C3orf80: variants seen among roughly 807,000 people sequenced by gnomAD.
C3orf80 encodes uncharacterized membrane protein C3orf80.
In C3orf80, 10 loss-of-function variants were observed where a neutral mutation model predicts 15.8. The observed-to-expected ratio is 0.63, with a 90% confidence interval of 0.39 to 1.07. C3orf80 has a LOEUF of 1.07. Among genes scored for constraint, C3orf80 ranks in the 50% least tolerant of loss-of-function variants. C3orf80 has a pLI of 0.01. For synonymous variants in C3orf80, 183 were observed against 192.0 expected, an observed-to-expected ratio of 0.95 and a Z score of 0.39; for missense variants, 364 against 379.3, an observed-to-expected ratio of 0.96 and a Z score of 0.34.
rs773690519 is a variant in C3orf80 at position 160,225,693 on chromosome 3, C to G, written c.58C>G (p.Leu20Val). The change falls in exon 1 of 1, where the codon CTG (leucine) becomes GTG (valine). Residue 20 changes from leucine to valine, a missense_variant. Leu to Val is a conservative substitution (Grantham distance 32, BLOSUM62 1). Transcript: ENST00000326474. This position sits in a 1 kb window ranked among gnomAD's most constrained non-coding sequence, Gnocchi z 5.6. ...GLSVAPAPPP[L>V]LPLLLLLALA... ...GTCGGTGGCTCCGGCGCCGCCGCCT[C>G]TGCTGCCGCTGCTGCTACTGCTGGC... 7.2e-7 allele frequency: 1 copy of G among 1,389,518 alleles called. No homozygotes were observed. Among genetic ancestry groups the G allele is most frequent in the South Asian group, 1.6e-5 (1 of 61,200 alleles). The allele number at this position is 1,389,518 out of a possible 1,614,324, so 86.1% of individuals were successfully genotyped here. A position where few individuals can be genotyped will look rare whatever the true frequency, so the allele number is the denominator to read the frequency against.
chr3:160,225,695 G>A lies in C3orf80; in HGVS notation c.60G>A (p.Leu20=). The part of the protein sequence containing the change: ...GLSVAPAPPP[L]LPLLLLLALA... ...CGGTGGCTCCGGCGCCGCCGCCTCT[G>A]CTGCCGCTGCTGCTACTGCTGGCGC... Residue 20 remains leucine, a synonymous_variant, in exon 1 of 1, where the codon CTG becomes CTA. Coordinates refer to ENST00000326474, the MANE Select transcript of C3orf80 (RefSeq NM_001168214.2). This position sits in a 1 kb window ranked among gnomAD's most constrained non-coding sequence, Gnocchi z 5.6. 2 of 1,390,164 alleles carry A rather than the reference G, an allele frequency of 1.4e-6. No individual in the cohort carries two copies. Among genetic ancestry groups the A allele is most frequent in the Non-Finnish European group, 1.9e-6 (2 of 1,077,952 alleles). The allele number at this position is 1,390,164 out of a possible 1,614,324, so 86.1% of individuals were successfully genotyped here. A position where few individuals can be genotyped will look rare whatever the true frequency, so the allele number is the denominator to read the frequency against.
rs1711499566 is a variant in C3orf80 at position 160,226,366 on chromosome 3, A to G, written c.731A>G (p.Tyr244Cys). The change falls in exon 1 of 1, where the codon TAC (tyrosine) becomes TGC (cysteine). Residue 244 changes from tyrosine (Y) to cysteine (C), a missense_variant. Physicochemically the swap from Tyr to Cys is radical, Grantham distance 194 (BLOSUM62 -2). Transcript: ENST00000326474. The surrounding 1 kb of genome is among the most constrained non-coding windows in gnomAD (Gnocchi z 5.2). ...AAEPDGGEGR[Y>C]PLI is the part of the protein sequence containing the mutation. ...GAGCCCGACGGCGGCGAGGGCCGCT[A>G]CCCTCTTATCTGAGCGCTCGGGGAT... The G allele has an allele frequency of 4.0e-6, 6 of 1,483,052 alleles. No homozygotes were observed. The highest frequency in any genetic ancestry group is 1.4e-5 in the African/African-American group (1 of 69,094). The allele number at this position is 1,483,052 out of a possible 1,614,324, so 91.9% of individuals were successfully genotyped here.
In C3orf80 at chr3:160,225,557, GGGGA is replaced by G; in HGVS notation, c.-75_-72del. On this transcript the variant is annotated 5_prime_UTR_variant, in exon 1 of 1. Transcript: ENST00000326474. This position sits in a 1 kb window ranked among gnomAD's most constrained non-coding sequence, Gnocchi z 5.6. ...GCGCGCGGGACCCGAGCGGAGCGCC[GGGGA>G]GGGGCCGACGGACGCGAGGGCGGAC... 1 of 1,221,710 alleles carries G rather than the reference GGGGA, an allele frequency of 8.2e-7. No individual in the cohort carries two copies. Among genetic ancestry groups the G allele is most frequent in the South Asian group, 3.3e-5 (1 of 30,310 alleles). The allele number at this position is 1,221,710 out of a possible 1,614,324, so 75.7% of individuals were successfully genotyped here.
chr3:160,227,514 A>G lies in C3orf80; in HGVS notation c.*1135A>G, dbSNP rs1410902018. On this transcript the variant is annotated 3_prime_UTR_variant, in exon 1 of 1. Coordinates refer to ENST00000326474, the MANE Select transcript of C3orf80 (RefSeq NM_001168214.2). Reference sequence around the variant, plus strand: ...TTATATGTAAAAATAATTGACATGTATATGCCATACCATGAAGCATATGAT... The same window carrying G: ...TTATATGTAAAAATAATTGACATGTGTATGCCATACCATGAAGCATATGAT... The G allele has an allele frequency of 6.6e-6, 1 of 152,220 alleles. No homozygotes were observed. Among genetic ancestry groups the G allele is most frequent in the East Asian group, 1.9e-4 (1 of 5,204 alleles). 9.4% of individuals were successfully genotyped at this position (152,220 alleles called of 1,614,324 possible). A position where few individuals can be genotyped will look rare whatever the true frequency, so the allele number is the denominator to read the frequency against.
rs760106217 is a variant in C3orf80 at position 160,225,798 on chromosome 3, G to C, written c.163G>C (p.Ala55Pro). 1.1e-5 allele frequency: 16 copies of C among 1,469,560 alleles called. No individual in the cohort carries two copies. Among genetic ancestry groups the C allele is most frequent in the Non-Finnish European group, 2.7e-6 (3 of 1,115,208 alleles). The allele number at this position is 1,469,560 out of a possible 1,614,324, so 91.0% of individuals were successfully genotyped here. Residue 55 changes from alanine to proline, a missense_variant, in exon 1 of 1, where the codon GCG (alanine) becomes CCG (proline). Coordinates refer to ENST00000326474, the MANE Select transcript of C3orf80 (RefSeq NM_001168214.2). This position sits in a 1 kb window ranked among gnomAD's most constrained non-coding sequence, Gnocchi z 5.6. ...CGGCGAGCGGGAGCGCTGCTGCGAC[G>C]CGACCAACGCCACGGCGGTGCGCTG... ...ACGERERCCD[A>P]TNATAVRCCK...
In C3orf80 at chr3:160,225,775, G is replaced by C; in HGVS notation, c.140G>C (p.Gly47Ala). 2.1e-6 allele frequency: 3 copies of C among 1,451,188 alleles called. No homozygotes were observed. Among genetic ancestry groups the C allele is most frequent in the Non-Finnish European group, 1.8e-6 (2 of 1,105,860 alleles). 89.9% of individuals were successfully genotyped at this position (1,451,188 alleles called of 1,614,324 possible). Residue 47 changes from glycine to alanine, a missense_variant, in exon 1 of 1, where the codon GGC becomes GCC. Physicochemically the swap from Gly to Ala is moderately conservative, Grantham distance 60. Coordinates refer to ENST00000326474, the MANE Select transcript of C3orf80 (RefSeq NM_001168214.2). This position sits in a 1 kb window ranked among gnomAD's most constrained non-coding sequence, Gnocchi z 5.6. ...GGGGGCTGCGCTGAGCTGGCGTGCG[G>C]CGAGCGGGAGCGCTGCTGCGACGCG... ...GGGGCAELAC[G>A]ERERCCDATN...
Position 160,226,637 on chromosome 3 carries a change from G to T in C3orf80, c.*258G>T, listed in dbSNP as rs1440315384. On this transcript the variant is annotated 3_prime_UTR_variant, in exon 1 of 1. Transcript: ENST00000326474. This position sits in a 1 kb window ranked among gnomAD's most constrained non-coding sequence, Gnocchi z 5.2. ...GCAGGCGACCCTCCAGCGCACCTTC[G>T]AAGGACGTCCCTGCCCTCTGCCTTG... 4.5e-6 allele frequency: 2 copies of T among 447,342 alleles called. No homozygotes were observed. The highest frequency in any genetic ancestry group is 7.8e-6 in the Non-Finnish European group (2 of 255,292). 27.7% of individuals were successfully genotyped at this position (447,342 alleles called of 1,614,324 possible). A position where few individuals can be genotyped will look rare whatever the true frequency, so the allele number is the denominator to read the frequency against.
chr3:160,225,619 C>G lies in C3orf80; in HGVS notation c.-17C>G, dbSNP rs1296330821. 7.6e-7 allele frequency: 1 copy of G among 1,321,990 alleles called. No individual in the cohort carries two copies. Among genetic ancestry groups the G allele is most frequent in the East Asian group, 3.1e-5 (1 of 31,750 alleles). The allele number at this position is 1,321,990 out of a possible 1,614,324, so 81.9% of individuals were successfully genotyped here. On this transcript the variant is annotated 5_prime_UTR_variant, in exon 1 of 1. Transcript: ENST00000326474. The surrounding 1 kb of genome is among the most constrained non-coding windows in gnomAD (Gnocchi z 5.6). ...CCAGCCTCCCGTCCCGGACGTTAGC[C>G]GAGGTCTGCGCGGGCCATGTGGGGA...
At position 160,225,990 on chromosome 3, in the gene C3orf80, C is replaced by T. The variant is rs1219336128; in HGVS notation, c.355C>T (p.Arg119Trp). The T allele has an allele frequency of 3.8e-6, 5 of 1,327,270 alleles. No homozygotes were observed. Among genetic ancestry groups the T allele is most frequent in the East Asian group, 3.2e-5 (1 of 31,312 alleles). The allele number at this position is 1,327,270 out of a possible 1,614,324, so 82.2% of individuals were successfully genotyped here. Residue 119 changes from arginine (R) to tryptophan (W), a missense_variant, in exon 1 of 1, where the codon CGG becomes TGG. By Grantham distance (101) the Arg-to-Trp change is moderately radical. Coordinates refer to ENST00000326474, the MANE Select transcript of C3orf80 (RefSeq NM_001168214.2). The surrounding 1 kb of genome is among the most constrained non-coding windows in gnomAD (Gnocchi z 5.6). ...YPRGQARPGQ[R>W]PGPPGGAGPL... ...GCGCGGCCAGGCGCGCCCGGGACAGCGGCCCGGGCCTCCGGGGGGCGCCGG... is the reference window on the plus strand; with the variant it reads ...GCGCGGCCAGGCGCGCCCGGGACAGTGGCCCGGGCCTCCGGGGGGCGCCGG...
chr3:160,226,283 CG>C lies in C3orf80; in HGVS notation c.652del (p.Glu218ArgfsTer132). ...CCATGCGGCTGCAGCAGCTCAGCCCCGGGGAGGTCGTGCTGCCAGTGTCGGT... is the reference window on the plus strand; with the variant it reads ...CCATGCGGCTGCAGCAGCTCAGCCCCGGGAGGTCGTGCTGCCAGTGTCGGT... Reference protein sequence around the residue: ...ESMRLQQLSPGEVVLPVSVLG... With the variant: ...ESMRLQQLSPXEVVLPVSVLG... On this transcript the variant is annotated frameshift_variant, in exon 1 of 1. Coordinates refer to ENST00000326474, the MANE Select transcript of C3orf80 (RefSeq NM_001168214.2). LOFTEE classifies it high-confidence loss of function. This position sits in a 1 kb window ranked among gnomAD's most constrained non-coding sequence, Gnocchi z 5.2. 1 of 1,520,782 alleles carries C rather than the reference CG, an allele frequency of 6.6e-7. No homozygotes were observed. The highest frequency in any genetic ancestry group is 8.8e-7 in the Non-Finnish European group (1 of 1,139,690). The allele number at this position is 1,520,782 out of a possible 1,614,324, so 94.2% of individuals were successfully genotyped here.
chr3:160,226,800 GCCGCCTGGACAGGTC>G lies in C3orf80; in HGVS notation c.*422_*436del, dbSNP rs1711501290. ...CGCAGTTCCACTCCTTTCCCTACCT[GCCGCCTGGACAGGTC>G]TCCCAGGGTGGGCAGAGGGCGAGGA... On this transcript the variant is annotated 3_prime_UTR_variant, in exon 1 of 1. Coordinates refer to ENST00000326474, the MANE Select transcript of C3orf80 (RefSeq NM_001168214.2). This position sits in a 1 kb window ranked among gnomAD's most constrained non-coding sequence, Gnocchi z 5.2. 6.3e-6 allele frequency: 1 copy of G among 159,258 alleles called. No individual in the cohort carries two copies. The highest frequency in any genetic ancestry group is 1.4e-5 in the Non-Finnish European group (1 of 72,972). The allele number at this position is 159,258 out of a possible 1,614,324, so 9.9% of individuals were successfully genotyped here. A position where few individuals can be genotyped will look rare whatever the true frequency, so the allele number is the denominator to read the frequency against.
Position 160,225,655 on chromosome 3 carries a change from C to G in C3orf80, c.20C>G (p.Thr7Ser), listed in dbSNP as rs1320407662. Reference sequence around the variant, plus strand: ...CGGGCCATGTGGGGACCCGGGGTCACTGCTGAGGGCCTGTCGGTGGCTCCG... The same window carrying G: ...CGGGCCATGTGGGGACCCGGGGTCAGTGCTGAGGGCCTGTCGGTGGCTCCG... MWGPGV[T>S]AEGLSVAPAP... The change falls in exon 1 of 1, where the codon ACT becomes AGT. Residue 7 changes from threonine (T) to serine (S), a missense_variant. Transcript: ENST00000326474. This position sits in a 1 kb window ranked among gnomAD's most constrained non-coding sequence, Gnocchi z 5.6. 7.2e-7 allele frequency: 1 copy of G among 1,390,556 alleles called. No homozygotes were observed. The highest frequency in any genetic ancestry group is 9.3e-7 in the Non-Finnish European group (1 of 1,077,326). 86.1% of individuals were successfully genotyped at this position (1,390,556 alleles called of 1,614,324 possible).
chr3:160,226,430 CAACGGCCGGGGTG>C lies in C3orf80; in HGVS notation c.*52_*64del. ...AGGGCTGGGGGCTGCGGGTGGCAAG[CAACGGCCGGGGTG>C]CCGCCGCCAACTGCCTCAGACCTTA... On this transcript the variant is annotated 3_prime_UTR_variant, in exon 1 of 1. Coordinates refer to ENST00000326474, the MANE Select transcript of C3orf80 (RefSeq NM_001168214.2). The surrounding 1 kb of genome is among the most constrained non-coding windows in gnomAD (Gnocchi z 5.2). 1 of 1,381,516 alleles carries C rather than the reference CAACGGCCGGGGTG, an allele frequency of 7.2e-7. No individual in the cohort carries two copies. The highest frequency in any genetic ancestry group is 9.3e-7 in the Non-Finnish European group (1 of 1,073,724). The allele number at this position is 1,381,516 out of a possible 1,614,324, so 85.6% of individuals were successfully genotyped here. A position where few individuals can be genotyped will look rare whatever the true frequency, so the allele number is the denominator to read the frequency against.
rs1397443606 is a variant in C3orf80, at chr3:160,226,631, A to T, written c.*252A>T. On this transcript the variant is annotated 3_prime_UTR_variant, in exon 1 of 1. Coordinates refer to ENST00000326474, the MANE Select transcript of C3orf80 (RefSeq NM_001168214.2). The surrounding 1 kb of genome is among the most constrained non-coding windows in gnomAD (Gnocchi z 5.2). ...GCTGCAGCAGGCGACCCTCCAGCGC[A>T]CCTTCGAAGGACGTCCCTGCCCTCT... 7 of 451,034 alleles carry T rather than the reference A, an allele frequency of 1.6e-5. No individual in the cohort carries two copies. The East Asian group carries it at 2.5e-4, about 16-fold the overall frequency. 27.9% of individuals were successfully genotyped at this position (451,034 alleles called of 1,614,324 possible). A position where few individuals can be genotyped will look rare whatever the true frequency, so the allele number is the denominator to read the frequency against.
Position 160,226,027 on chromosome 3 carries a change from G to C in C3orf80, c.392G>C (p.Gly131Ala). ...CCGGGGGGCGCCGGACCGCTGGGGG[G>C]CGCGGGGCCGCCCGACGACGACGAC... ...GPPGGAGPLGGAGPPDDDDDS... is the reference protein window; with the variant it reads ...GPPGGAGPLGAAGPPDDDDDS... The change falls in exon 1 of 1, where the codon GGC becomes GCC. Residue 131 changes from glycine to alanine, a missense_variant. Transcript: ENST00000326474. This position sits in a 1 kb window ranked among gnomAD's most constrained non-coding sequence, Gnocchi z 5.2. The C allele has an allele frequency of 7.3e-7, 1 of 1,363,040 alleles. No homozygotes were observed. Among genetic ancestry groups the C allele is most frequent in the Non-Finnish European group, 9.4e-7 (1 of 1,064,534 alleles). 84.4% of individuals were successfully genotyped at this position (1,363,040 alleles called of 1,614,324 possible).
chr3:160,225,536 G>T lies in C3orf80; in HGVS notation c.-100G>T. The T allele has an allele frequency of 8.8e-7, 1 of 1,132,624 alleles. No individual in the cohort carries two copies. The highest frequency in any genetic ancestry group is 1.6e-5 in the African/African-American group (1 of 61,658). The allele number at this position is 1,132,624 out of a possible 1,614,324, so 70.2% of individuals were successfully genotyped here. A position where few individuals can be genotyped will look rare whatever the true frequency, so the allele number is the denominator to read the frequency against. Reference sequence around the variant, plus strand: ...AGCTGAGGCGCGGGAGGCGGCGCGCGCGGGACCCGAGCGGAGCGCCGGGGA... The same window carrying T: ...AGCTGAGGCGCGGGAGGCGGCGCGCTCGGGACCCGAGCGGAGCGCCGGGGA... On this transcript the variant is annotated 5_prime_UTR_variant, in exon 1 of 1. Transcript: ENST00000326474. This position sits in a 1 kb window ranked among gnomAD's most constrained non-coding sequence, Gnocchi z 5.6.
chr3:160,226,038 C>T lies in C3orf80; in HGVS notation c.403C>T (p.Pro135Ser), dbSNP rs1399890656. The change falls in exon 1 of 1, where the codon CCC (proline) becomes TCC (serine). Residue 135 changes from proline (P) to serine (S), a missense_variant. Transcript: ENST00000326474. This position sits in a 1 kb window ranked among gnomAD's most constrained non-coding sequence, Gnocchi z 5.2. The part of the protein sequence containing the change: ...GAGPLGGAGP[P>S]DDDDDSPALL... ...CGGACCGCTGGGGGGCGCGGGGCCG[C>T]CCGACGACGACGACGACTCGCCCGC... The T allele has an allele frequency of 2.2e-6, 3 of 1,390,736 alleles. No homozygotes were observed. The highest frequency in any genetic ancestry group is 4.6e-4 in the Middle Eastern group (2 of 4,372). 86.1% of individuals were successfully genotyped at this position (1,390,736 alleles called of 1,614,324 possible).
At position 160,226,441 on chromosome 3, in the gene C3orf80, G is replaced by C; in HGVS notation, c.*62G>C. On this transcript the variant is annotated 3_prime_UTR_variant, in exon 1 of 1. Transcript: ENST00000326474. The surrounding 1 kb of genome is among the most constrained non-coding windows in gnomAD (Gnocchi z 5.2). ...CTGCGGGTGGCAAGCAACGGCCGGG[G>C]TGCCGCCGCCAACTGCCTCAGACCT... 1 of 1,378,922 alleles carries C rather than the reference G, an allele frequency of 7.3e-7. No individual in the cohort carries two copies. Among genetic ancestry groups the C allele is most frequent in the Non-Finnish European group, 9.3e-7 (1 of 1,071,742 alleles). The allele number at this position is 1,378,922 out of a possible 1,614,324, so 85.4% of individuals were successfully genotyped here. A position where few individuals can be genotyped will look rare whatever the true frequency, so the allele number is the denominator to read the frequency against.
In C3orf80 at chr3:160,227,482, A is replaced by G. The variant is rs1711507695; in HGVS notation, c.*1103A>G. 1 of 152,258 alleles carries G rather than the reference A, an allele frequency of 6.6e-6. No homozygotes were observed. Among genetic ancestry groups the G allele is most frequent in the African/African-American group, 2.4e-5 (1 of 41,472 alleles). The allele number at this position is 152,258 out of a possible 1,614,324, so 9.4% of individuals were successfully genotyped here. A position where few individuals can be genotyped will look rare whatever the true frequency, so the allele number is the denominator to read the frequency against. On this transcript the variant is annotated 3_prime_UTR_variant, in exon 1 of 1. Coordinates refer to ENST00000326474, the MANE Select transcript of C3orf80 (RefSeq NM_001168214.2). ...AGTATAGCTTTTAATTGTATCATTC[A>G]TCACAGTTATATGTAAAAATAATTG...
Sources: gnomAD v4.1 joint callset for allele counts on GRCh38, gnomAD v4.1.1 for gene constraint, Gnocchi (gnomAD v3.1) non-coding constraint, MANE v1.5 for transcripts, NCBI Gene and HGNC (gene_info 2026-07-23, HGNC 2026-07-21) for gene names.